The following STARD9 variants were observed in gnomAD, a reference collection of about 807,000 sequenced individuals.
STARD9 encodes StAR related lipid transfer domain containing 9, also known as stAR-related lipid transfer protein 9.
A neutral mutation model predicts 399.8 loss-of-function variants in STARD9; 346 were observed. The ratio of observed to expected loss-of-function variants is 0.87; its 90% confidence interval spans 0.79 to 0.95. The LOEUF (loss-of-function observed/expected upper bound fraction) is 0.95. Ranked by LOEUF, STARD9 falls within the 40% of genes least tolerant of loss-of-function variation. The probability of loss-of-function intolerance (pLI) is 0.00; values close to 1 mark genes in which losing one functional copy is unlikely to be tolerated. For synonymous variants in STARD9, 2,203 were observed against 2,143.5 expected (o/e 1.03, Z -0.77); for missense variants, 5,832 against 5,667.5 (o/e 1.03, Z -0.93).
intron 9 of STARD9, among the ~76,000 whole-genome samples, chr15:42,653,969 A>G (rs939286432): frequency 2.2e-4 from 34 of 152,190 alleles, no homozygotes; most frequent in African/African-American, 7.5e-4. Context: ...TAGAGTTACT[A>G]TATTTTACAG....
chr15:42,616,684 G>T (rs1194228446), intron 3 of STARD9, among the ~76,000 whole-genome samples: 2 of 152,024 alleles, frequency 1.3e-5, no homozygotes, highest in Non-Finnish European at 2.9e-5. Flanking sequence ...CAGGTCAGGA[G>T]ATCGAGACCA....
At position 42,691,285 on chromosome 15, in the gene STARD9, A is replaced by T. The variant is rs1380280646; in HGVS notation, c.9707A>T (p.Glu3236Val). The change falls in exon 23 of 33, where the codon GAA (glutamate) becomes GTA (valine). Residue 3236 changes from glutamate to valine, a missense_variant. Transcript: ENST00000290607. ...CAGGGTGTGAATCCCCTTCCTGATG[A>T]AGATGGCTTAGATGGCTGTCAGATT... The part of the protein sequence containing the change: ...FAQGVNPLPD[E>V]DGLDGCQILD... The T allele has an allele frequency of 6.5e-7, 1 of 1,537,272 alleles. No individual in the cohort carries two copies.
chr15:42,580,399 G>A (rs1240886040), intron 1 of STARD9, among the ~76,000 whole-genome samples: 1 of 152,190 alleles, frequency 6.6e-6, no homozygotes, highest in Admixed American at 6.5e-5. Context: ...GGCCCACCAA[G>A]CCTCTGTATC....
At chr15:42,600,168 G>A (rs2058592949) in intron 3 of STARD9, among the ~76,000 whole-genome samples, 2 of 152,160 alleles carry the variant, frequency 1.3e-5, no homozygotes, top group Admixed American at 6.6e-5. Context: ...ACTCCTAGAG[G>A]AGATGAAGAC....
intron 3 of STARD9, among the ~76,000 whole-genome samples, chr15:42,625,647 A>T (rs372104908): frequency 1.2e-3 from 167 of 138,464 alleles, no homozygotes; most frequent in East Asian, 1.7e-3. Flanking sequence ...TCTTCTTCCT[A>T]TTTTTTTTTT....
intron 26 of STARD9, among the ~76,000 whole-genome samples, chr15:42,714,523 G>A (rs751263954): frequency 1.3e-4 from 19 of 151,968 alleles, no homozygotes; most frequent in Admixed American, 6.6e-5. Context: ...TCTGAGCATT[G>A]CTTCAGCCAT....
chr15:42,716,850 G>C (rs1001008564), intron 27 of STARD9, 77 bp from the exon 28 acceptor site: 14 of 1,528,238 alleles, frequency 9.2e-6, no homozygotes, highest in Non-Finnish European at 1.2e-5. Context: ...GTGAGTCACT[G>C]GTCTGTGGGA....
intron 26 of STARD9, 149 bp downstream of exon 26, chr15:42,696,029 T>C (rs774066980): frequency 1.3e-6 from 1 of 754,656 alleles, no homozygotes; most frequent in Non-Finnish European, 2.1e-6. Flanking sequence ...TGCAGGCCTT[T>C]GGTTTTCCAT....
chr15:42,663,385 G>A lies in STARD9; in HGVS notation c.973G>A (p.Gly325Arg). ...CTCTCCTTCTGGGACCAGCAGTGGA[G>A]GGGCACCCTCCCGAAGGCAGTCTTA... Reference protein sequence around the residue: ...LSSPSGTSSGGAPSRRQSYIP... With the variant: ...LSSPSGTSSGRAPSRRQSYIP... The change falls in exon 12 of 33, where the codon GGG (glycine) becomes AGG (arginine). Residue 325 changes from glycine to arginine, a missense_variant. Transcript: ENST00000290607. 6.5e-7 allele frequency: 1 copy of A among 1,537,300 alleles called. No homozygotes were observed. Among genetic ancestry groups the A allele is most frequent in the South Asian group, 1.2e-5 (1 of 84,064 alleles).
chr15:42,611,707 A>G (rs1480044092), intron 3 of STARD9, among the ~76,000 whole-genome samples: 3 of 152,294 alleles, frequency 2.0e-5, no homozygotes, highest in Non-Finnish European at 4.4e-5. Context: ...GTTGGCTGTT[A>G]AACTTGCCAT....
intron 3 of STARD9, among the ~76,000 whole-genome samples, chr15:42,602,474 T>C (rs1345557029): frequency 6.6e-6 from 1 of 152,144 alleles, no homozygotes; most frequent in East Asian, 1.9e-4. Context: ...CAGGGATTTA[T>C]TAAAAATGAA....
At chr15:42,706,606 T>G (rs1009322441) in intron 26 of STARD9, among the ~76,000 whole-genome samples, 1 of 151,942 alleles carries the variant, frequency 6.6e-6, no homozygotes, top group Non-Finnish European at 1.5e-5. Flanking sequence ...CCTGCCACCA[T>G]GCCTGGCTAA....
At chr15:42,587,455 A>G (rs531131838) in intron 3 of STARD9, among the ~76,000 whole-genome samples, 1 of 152,360 alleles carries the variant, frequency 6.6e-6, no homozygotes, top group South Asian at 2.1e-4. Flanking sequence ...TGCTCAGTAC[A>G]AAAGAGCAGT....
At chr15:42,641,071 T>A (rs1485568298) in intron 7 of STARD9, among the ~76,000 whole-genome samples, 1 of 152,186 alleles carries the variant, frequency 6.6e-6, no homozygotes, top group African/African-American at 2.4e-5. Context: ...GGTTCCTAGA[T>A]GATTTGATTG....
Position 42,692,722 on chromosome 15 carries a change from C to T in STARD9, c.11144C>T (p.Pro3715Leu), listed in dbSNP as rs1048422928. 1.3e-6 allele frequency: 2 copies of T among 1,537,014 alleles called. No individual in the cohort carries two copies. The highest frequency in any genetic ancestry group is 2.7e-5 in the African/African-American group (2 of 73,002). The change falls in exon 23 of 33, where the codon CCA becomes CTA. Residue 3715 changes from proline to leucine, a missense_variant. Physicochemically the swap from Pro to Leu is moderately conservative, Grantham distance 98. Transcript: ENST00000290607. ...RREQNTKRDI[P>L]DKAPQALMMD... ...GAGCAGAACACCAAGAGGGACATCCCAGATAAAGCCCCACAGGCCCTGATG... is the reference window on the plus strand; with the variant it reads ...GAGCAGAACACCAAGAGGGACATCCTAGATAAAGCCCCACAGGCCCTGATG...
At position 42,690,591 on chromosome 15, in the gene STARD9, T is replaced by A. The variant is rs1251871603; in HGVS notation, c.9013T>A (p.Tyr3005Asn). Reference protein sequence around the residue: ...HPPCVVPSRAYEMDETGEISR... With the variant: ...HPPCVVPSRANEMDETGEISR... ...ACCCTGTGTAGTACCTTCCAGGGCC[T>A]ATGAAATGGATGAGACAGGAGAGAT... Residue 3005 changes from tyrosine (Y) to asparagine (N), a missense_variant, in exon 23 of 33, where the codon TAT becomes AAT. Coordinates refer to ENST00000290607, the MANE Select transcript of STARD9 (RefSeq NM_020759.3). 2 of 1,537,128 alleles carry A rather than the reference T, an allele frequency of 1.3e-6. No individual in the cohort carries two copies. Among genetic ancestry groups the A allele is most frequent in the African/African-American group, 1.4e-5 (1 of 73,046 alleles).
intron 7 of STARD9, among the ~76,000 whole-genome samples, chr15:42,647,069 C>T (rs561158633): frequency 1.3e-5 from 2 of 152,080 alleles, no homozygotes; most frequent in Non-Finnish European, 2.9e-5. Flanking sequence ...ATAGTAACAT[C>T]AAAGATTACT....
chr15:42,602,440 A>AAGAATGAAACGAG (rs2058647564), intron 3 of STARD9, among the ~76,000 whole-genome samples: 1 of 152,246 alleles, frequency 6.6e-6, no homozygotes, highest in Non-Finnish European at 1.5e-5. Context: ...AAAGCAAAGA[A>AAGAATGAAACGAG]AGAATGAAAC....
intron 3 of STARD9, among the ~76,000 whole-genome samples, chr15:42,634,391 T>G (rs951157762): frequency 6.6e-6 from 1 of 152,172 alleles, no homozygotes; most frequent in Non-Finnish European, 1.5e-5. Flanking sequence ...AGAAAATAAA[T>G]GCATGTGGAA....
Sources: gnomAD v4.1 joint callset for allele counts (sites outside exome capture counted in the v4.1 genomes callset) on GRCh38, gnomAD v4.1.1 for gene constraint, MANE v1.5 for transcripts, NCBI Gene and HGNC (gene_info 2026-07-23, HGNC 2026-07-21) for gene names.